The following UTRN variants were observed in gnomAD, a reference collection of about 807,000 sequenced individuals.
The protein encoded by UTRN is utrophin, also known as dystrophin-related protein 1.
Under a neutral mutation model 463.9 loss-of-function variants are expected in UTRN, and 283 were observed. The ratio of observed to expected loss-of-function variants is 0.61; its 90% CI spans 0.55 to 0.67. The LOEUF is 0.67. UTRN is among the 30% of genes least tolerant of loss of function. The pLI is 0.00. For synonymous variants in UTRN, 1,442 were observed against 1,431.5 expected, an observed-to-expected ratio of 1.01 and a Z score of -0.17; for missense variants, 3,922 against 4,084.3, an observed-to-expected ratio of 0.96 and a Z score of 1.08.
At chr6:144,335,712 G>T (rs1161588323) in intron 2 of UTRN, among the ~76,000 whole-genome samples, 1 of 152,128 alleles carries the variant, frequency 6.6e-6, no homozygotes, top group Admixed American at 6.5e-5. Context: ...GCTGAATCTC[G>T]TGGCTCATAA....
intron 34 of UTRN, among the ~76,000 whole-genome samples, chr6:144,506,726 C>T (rs916636798): frequency 7.9e-5 from 12 of 152,186 alleles, no homozygotes; most frequent in Middle Eastern, 3.4e-3. Context: ...GTGAATCTGA[C>T]GATTATGTGT....
intron 51 of UTRN, among the ~76,000 whole-genome samples, chr6:144,604,414 T>A (rs1804598759): frequency 1.3e-5 from 2 of 152,208 alleles, no homozygotes; most frequent in South Asian, 4.1e-4. Context: ...CATAAAATTC[T>A]AGGCCGATCT....
chr6:144,631,767 A>G (rs2128654970), intron 51 of UTRN, among the ~76,000 whole-genome samples: 1 of 152,296 alleles, frequency 6.6e-6, no homozygotes, highest in South Asian at 2.1e-4. Context: ...CTTCTATTAA[A>G]AAAAGTTTTA....
intron 2 of UTRN, among the ~76,000 whole-genome samples, chr6:144,313,497 A>G (rs1177283236): frequency 1.3e-5 from 2 of 152,192 alleles, no homozygotes; most frequent in East Asian, 3.8e-4. Context: ...GGTGGTGGAG[A>G]GAGCTGCCCC....
intron 2 of UTRN, among the ~76,000 whole-genome samples, chr6:144,296,817 G>A (rs1804755126): frequency 6.6e-6 from 1 of 152,160 alleles, no homozygotes; most frequent in Non-Finnish European, 1.5e-5. Flanking sequence ...CTGTGAGGTA[G>A]AGCTCCTCTG....
At chr6:144,437,541 A>G in intron 10 of UTRN, 24 bp from the exon 11 acceptor site, 1 of 1,574,740 alleles carries the variant, frequency 6.4e-7, no homozygotes, top group Middle Eastern at 1.7e-4. Context: ...GTAGCTCACA[A>G]ATTATAACAA....
chr6:144,312,021 T>C (rs1434512495), intron 2 of UTRN: 2 of 152,250 alleles, frequency 1.3e-5, no homozygotes, highest in Non-Finnish European at 2.9e-5. Flanking sequence ...GGCCACCTGC[T>C]AGCTCTGTGA....
At chr6:144,848,708 T>G (rs1782230180) in intron 74 of UTRN, among the ~76,000 whole-genome samples, 1 of 152,042 alleles carries the variant, frequency 6.6e-6, no homozygotes, top group Non-Finnish European at 1.5e-5. Context: ...GACAGGACCA[T>G]TGGAGGAAAA....
At chr6:144,733,241 G>A (rs575494404) in intron 54 of UTRN, among the ~76,000 whole-genome samples, 10 of 152,088 alleles carry the variant, frequency 6.6e-5, no homozygotes, top group African/African-American at 2.2e-4. Flanking sequence ...GCTTTTGGCC[G>A]GACGCGGTGG....
chr6:144,404,502 A>G (rs975784392), intron 3 of UTRN, among the ~76,000 whole-genome samples: 2 of 152,222 alleles, frequency 1.3e-5, no homozygotes, highest in Admixed American at 6.5e-5. Flanking sequence ...CAGTGGTCTT[A>G]TGATTGCTCA....
chr6:144,550,273 A>G (rs1403071622), intron 47 of UTRN, among the ~76,000 whole-genome samples: 1 of 152,212 alleles, frequency 6.6e-6, no homozygotes, highest in African/African-American at 2.4e-5. Context: ...CCAAAGGAGT[A>G]GCTGGAATCT....
chr6:144,647,060 C>T (rs1778376085), intron 51 of UTRN, among the ~76,000 whole-genome samples: 1 of 152,068 alleles, frequency 6.6e-6, no homozygotes, highest in Admixed American at 6.6e-5. Context: ...GGAGTAAAAG[C>T]AAAATCTTAT....
At chr6:144,358,555 T>G (rs1778773425) in intron 2 of UTRN, among the ~76,000 whole-genome samples, 1 of 152,242 alleles carries the variant, frequency 6.6e-6, no homozygotes, top group African/African-American at 2.4e-5. Flanking sequence ...ATGGAAATTT[T>G]TATTCCTAAT....
chr6:144,588,764 C>T (rs1183701994), intron 51 of UTRN, among the ~76,000 whole-genome samples: 2 of 152,164 alleles, frequency 1.3e-5, no homozygotes, highest in African/African-American at 4.8e-5. Context: ...TAACTGTGAT[C>T]ACTACCAACT....
chr6:144,538,167 A>T (rs572217385), intron 44 of UTRN, among the ~76,000 whole-genome samples: 27 of 152,270 alleles, frequency 1.8e-4, no homozygotes, highest in Non-Finnish European at 3.5e-4. Context: ...TGGTTGTATT[A>T]ATCAGATTTT....
chr6:144,748,699 C>T (rs1261726923), intron 55 of UTRN, among the ~76,000 whole-genome samples, 185 bp downstream of exon 55: 3 of 152,296 alleles, frequency 2.0e-5, no homozygotes, highest in South Asian at 2.1e-4. Context: ...TTCATTGGAA[C>T]CCCCTGCCCC....
chr6:144,344,052 G>T, intron 2 of UTRN: 1 of 910,570 alleles, frequency 1.1e-6, no homozygotes, highest in South Asian at 1.8e-5. Context: ...GTGGGGTTAG[G>T]TTTAGTCAGA....
At chr6:144,387,497 G>T (rs1781519779) in intron 2 of UTRN, among the ~76,000 whole-genome samples, 1 of 152,154 alleles carries the variant, frequency 6.6e-6, no homozygotes. Flanking sequence ...TATTGCAAAA[G>T]GTGTATTTTA....
intron 3 of UTRN, among the ~76,000 whole-genome samples, chr6:144,406,247 C>T (rs1219440902): frequency 2.6e-5 from 4 of 152,106 alleles, no homozygotes; most frequent in Non-Finnish European, 4.4e-5. Flanking sequence ...ATGACTTTAC[C>T]TTGTTGGAAA....
Sources: allele counts gnomAD v4.1 joint callset (sites outside exome capture counted in the v4.1 genomes callset), GRCh38; gene constraint gnomAD v4.1.1; transcripts MANE v1.5; gene names NCBI Gene and HGNC (gene_info 2026-07-23, HGNC 2026-07-21).